Variants in WWOX observed in about 807,000 individuals in gnomAD.
WWOX encodes the protein WW domain containing oxidoreductase, also known as WW domain-containing oxidoreductase.
Under a neutral mutation model 46.2 loss-of-function variants are expected in WWOX, and 69 were observed. The observed-to-expected ratio is 1.49, with a 90% confidence interval of 1.23 to 1.82. WWOX has a LOEUF of 1.82. Ranked by LOEUF, WWOX falls within the 40% of genes most tolerant of loss-of-function variation. The pLI, the probability that WWOX is intolerant of heterozygous loss-of-function variation, is 0.00. For synonymous variants in WWOX, 359 were observed against 202.6 expected, an observed-to-expected ratio of 1.77 and a Z score of -6.56; for missense variants, 919 against 542.6, an observed-to-expected ratio of 1.69 and a Z score of -6.89.
At chr16:78,850,030 C>T (rs959083327) in intron 8 of WWOX, among the ~76,000 whole-genome samples, 16 of 151,672 alleles carry the variant, frequency 1.1e-4, no homozygotes, top group African/African-American at 3.6e-4. Flanking sequence ...CGAGACAATG[C>T]CATTGCACTC....
chr16:78,797,310 G>C (rs568124791), intron 8 of WWOX, among the ~76,000 whole-genome samples: 1 of 132,932 alleles, frequency 7.5e-6, no homozygotes, highest in East Asian at 2.5e-4. Context: ...AGACTGTATT[G>C]TATAATCATG....
chr16:78,585,676 T>G (rs561127601), intron 8 of WWOX, among the ~76,000 whole-genome samples: 16 of 136,664 alleles, frequency 1.2e-4, no homozygotes, highest in South Asian at 2.3e-4. Flanking sequence ...TTGTTTTGGG[T>G]TTTTTTTTTT....
At position 78,379,013 on chromosome 16, in the gene WWOX, T is replaced by C. The variant is rs372331157; in HGVS notation, c.517-7847T>C. ...AGCATTGGAACCAGCCACATCTCAGTTGGCAACACGTATCTGTGTCTTACT... is the reference window on the plus strand; with the variant it reads ...AGCATTGGAACCAGCCACATCTCAGCTGGCAACACGTATCTGTGTCTTACT... On this transcript the variant is annotated intron_variant, in intron 5 of 8. Coordinates refer to ENST00000566780, the MANE Select transcript of WWOX (RefSeq NM_016373.4). Among the ~76,000 whole-genome samples, 39 of 152,314 alleles carry C rather than the reference T, an allele frequency of 2.6e-4. 1 individual carries two copies. The East Asian group carries it at 5.4e-3, about 21-fold the overall frequency.
chr16:78,632,657 C>A (rs1455607337), intron 8 of WWOX, among the ~76,000 whole-genome samples: 1 of 149,746 alleles, frequency 6.7e-6, no homozygotes, highest in Non-Finnish European at 1.5e-5. Context: ...CTCCCATATT[C>A]AAGGGATTCT....
intron 8 of WWOX, among the ~76,000 whole-genome samples, chr16:78,786,136 C>G (rs150622265): frequency 6.6e-6 from 1 of 152,160 alleles, no homozygotes; most frequent in Non-Finnish European, 1.5e-5. Context: ...TTTTGAACTC[C>G]TGCCCTCCGG....
At chr16:78,789,453 G>C (rs901548552) in intron 8 of WWOX, among the ~76,000 whole-genome samples, 1 of 152,004 alleles carries the variant, frequency 6.6e-6, no homozygotes, top group African/African-American at 2.4e-5. Context: ...GAGATCAATT[G>C]GCCATAAATG....
At chr16:78,635,143 CTG>C (rs769202186) in intron 8 of WWOX, among the ~76,000 whole-genome samples, 13 of 152,188 alleles carry the variant, frequency 8.5e-5, no homozygotes, top group East Asian at 3.9e-4. Context: ...AATGCCAAAA[CTG>C]TACCTCTTGC....
At chr16:78,879,412 A>T (rs750222999) in intron 8 of WWOX, among the ~76,000 whole-genome samples, 1 of 152,176 alleles carries the variant, frequency 6.6e-6, no homozygotes, top group Non-Finnish European at 1.5e-5. Context: ...TCTTCATGCC[A>T]TAAGGGCAAA....
At chr16:78,500,070 A>G (rs74029395) in intron 8 of WWOX, among the ~76,000 whole-genome samples, 9,385 of 152,188 alleles carry the variant, frequency 0.062, 969 homozygotes, top group African/African-American at 0.22. Flanking sequence ...ACAACAGCAA[A>G]GCAGACTAGC....
chr16:78,178,408 T>C (rs1201388630), intron 5 of WWOX, among the ~76,000 whole-genome samples: 2 of 152,252 alleles, frequency 1.3e-5, no homozygotes, highest in Admixed American at 1.3e-4. Flanking sequence ...TCAAGCAGGC[T>C]GCTACGCTTT....
At chr16:78,264,419 C>G (rs1470361863) in intron 5 of WWOX, 4 of 152,036 alleles carry the variant, frequency 2.6e-5, no homozygotes, top group Non-Finnish European at 4.4e-5. Context: ...TCTTTTTAAA[C>G]AAAATATCCT....
chr16:78,880,292 C>A (rs899429470), intron 8 of WWOX, among the ~76,000 whole-genome samples: 1 of 152,132 alleles, frequency 6.6e-6, no homozygotes, highest in Non-Finnish European at 1.5e-5. Context: ...ATTTTATTTT[C>A]CATTACTTCA....
chr16:78,605,035 T>G (rs1236433658), intron 8 of WWOX, among the ~76,000 whole-genome samples: 1 of 139,230 alleles, frequency 7.2e-6, no homozygotes, highest in African/African-American at 2.7e-5. Context: ...CCTTCCTCCC[T>G]TCTTTTCTTT....
intron 8 of WWOX, among the ~76,000 whole-genome samples, chr16:78,741,460 T>C (rs1470542632): frequency 1.3e-5 from 2 of 152,168 alleles, no homozygotes; most frequent in African/African-American, 4.8e-5. Context: ...CTCGGGAGGC[T>C]GAGGCAGGAG....
At chr16:78,301,670 A>G (rs1035193358) in intron 5 of WWOX, among the ~76,000 whole-genome samples, 3 of 152,298 alleles carry the variant, frequency 2.0e-5, no homozygotes, top group Admixed American at 6.5e-5. Context: ...CAAACCCTCC[A>G]AGACCTCAGG....
chr16:78,764,254 C>G (rs1189394960), intron 8 of WWOX, among the ~76,000 whole-genome samples: 1 of 151,838 alleles, frequency 6.6e-6, no homozygotes, highest in Non-Finnish European at 1.5e-5. Context: ...CTCCGCCTTC[C>G]TGCCAGAATT....
At chr16:79,165,083 C>T (rs754144879) in intron 8 of WWOX, among the ~76,000 whole-genome samples, 5 of 151,194 alleles carry the variant, frequency 3.3e-5, no homozygotes, top group South Asian at 2.1e-4. Context: ...ACTTATCCTA[C>T]GTTCCATGTA....
At position 78,661,407 on chromosome 16, in the gene WWOX, T is replaced by C. The variant is rs150565152; in HGVS notation, c.1056+228655T>C. On this transcript the variant is annotated intron_variant, in intron 8 of 8. Transcript: ENST00000566780. The stretch of plus-strand genomic sequence containing the variant: ...GTCCAATCCCTAAGCTGGGCAATTT[T>C]TTTTTCCCCTTTCAATACATCACAT... 8.7e-3 allele frequency among the ~76,000 whole-genome samples: 1,323 copies of C among 152,296 alleles called. 10 individuals carry two copies. Among genetic ancestry groups the C allele is most frequent in the Non-Finnish European group, 0.012 (800 of 68,040 alleles).
chr16:78,116,220 G>T (rs970393427), intron 4 of WWOX, among the ~76,000 whole-genome samples: 2 of 151,990 alleles, frequency 1.3e-5, no homozygotes, highest in Admixed American at 6.6e-5. Context: ...TCAACTTGTT[G>T]TGCTATCAAA....
Sources: gnomAD v4.1 joint callset for allele counts (sites outside exome capture counted in the v4.1 genomes callset) on GRCh38, gnomAD v4.1.1 for gene constraint, MANE v1.5 for transcripts, NCBI Gene and HGNC (gene_info 2026-07-23, HGNC 2026-07-21) for gene names.